The following FAM20A variants were observed in gnomAD, a reference collection of about 807,000 sequenced individuals.
The protein encoded by FAM20A is FAM20A golgi associated secretory pathway pseudokinase, also known as pseudokinase FAM20A.
Under a neutral mutation model 52.0 loss-of-function variants are expected in FAM20A, and 42 were observed. That is an observed-to-expected ratio of 0.81 (90% CI 0.63 to 1.04). The LOEUF is 1.04. Among genes scored for constraint, FAM20A ranks in the 50% least tolerant of loss-of-function variants. FAM20A has a pLI of 0.00. For synonymous variants in FAM20A, 304 were observed against 298.9 expected, an observed-to-expected ratio of 1.02 and a Z score of -0.18; for missense variants, 742 against 712.7, an observed-to-expected ratio of 1.04 and a Z score of -0.47.
chr17:68,553,996 A>C lies in FAM20A; in HGVS notation c.640+781T>G, dbSNP rs188474173. Reference sequence around the variant, plus strand: ...TACACACATGCATATATACATATACACACATATATGCATATATACATATAT... The same window carrying C: ...TACACACATGCATATATACATATACCCACATATATGCATATATACATATAT... On this transcript the variant is annotated intron_variant, in intron 3 of 10. Coordinates refer to ENST00000592554, the MANE Select transcript of FAM20A (RefSeq NM_017565.4). Among the ~76,000 whole-genome samples the C allele has an allele frequency of 1.1e-3, 149 of 139,152 alleles. 1 individual carries two copies. Among genetic ancestry groups the C allele is most frequent in the Admixed American group, 7.4e-3 (104 of 14,038 alleles). 91.3% of individuals were successfully genotyped at this position (139,152 alleles called of 152,430 possible).
At chr17:68,571,987 C>CATATATATATATAT (rs57442973) in intron 1 of FAM20A, among the ~76,000 whole-genome samples, 7 of 43,766 alleles carry the variant, frequency 1.6e-4, no homozygotes, top group South Asian at 1.0e-3. Flanking sequence ...TATATACATA[C>CATATATATATATAT]ATATATATAT....
At chr17:68,577,414 T>G (rs2087804488) in intron 1 of FAM20A, among the ~76,000 whole-genome samples, 1 of 152,272 alleles carries the variant, frequency 6.6e-6, no homozygotes, top group Non-Finnish European at 1.5e-5. Flanking sequence ...GTTGCCTCCC[T>G]GCTGTAGACC....
At chr17:68,563,348 T>C (rs979681783) in intron 1 of FAM20A, among the ~76,000 whole-genome samples, 29 of 143,818 alleles carry the variant, frequency 2.0e-4, no homozygotes, top group Admixed American at 4.3e-4. Flanking sequence ...ATCGTGACAC[T>C]GCACTCCAGC....
chr17:68,543,656 G>GT lies in FAM20A; in HGVS notation c.784_785insA (p.Ala262AspfsTer2). 1 of 1,614,120 alleles carries GT rather than the reference G, an allele frequency of 6.2e-7. No individual in the cohort carries two copies. Among genetic ancestry groups the GT allele is most frequent in the Non-Finnish European group, 8.5e-7 (1 of 1,179,998 alleles). On this transcript the variant is annotated frameshift_variant, in exon 5 of 11. Coordinates refer to ENST00000592554, the MANE Select transcript of FAM20A (RefSeq NM_017565.4). LOFTEE classifies it high-confidence loss of function. ...GTCCAGATGGAAAGCTGCGATCTCA[G>GT]CATTGTGTCTCTGAAAGTCAATGAA...
chr17:68,572,693 G>A (rs139918816), intron 1 of FAM20A, among the ~76,000 whole-genome samples: 1 of 152,260 alleles, frequency 6.6e-6, no homozygotes, highest in East Asian at 1.9e-4. Flanking sequence ...TCTATGGGTT[G>A]TCATAAGCAG....
rs1323381317 is a variant in FAM20A, at chr17:68,535,738, C to G, written c.*1739G>C. The stretch of plus-strand genomic sequence containing the variant: ...TGTTACCCAGGCTGGTCTCGAGCTC[C>G]TGAGACCAAGCGATCTGCCTGTTTA... On this transcript the variant is annotated 3_prime_UTR_variant, in exon 11 of 11. Transcript: ENST00000592554. The G allele has an allele frequency of 3.3e-5, 15 of 452,200 alleles. No homozygotes were observed. Among genetic ancestry groups the G allele is most frequent in the Non-Finnish European group, 8.8e-6 (2 of 226,130 alleles). The allele number at this position is 452,200 out of a possible 1,614,324, so 28.0% of individuals were successfully genotyped here.
chr17:68,554,967 AG>A, intron 2 of FAM20A, 140 bp from the exon 3 acceptor site: 1 of 842,652 alleles, frequency 1.2e-6, no homozygotes, highest in African/African-American at 1.7e-5. Flanking sequence ...ACTCCGTGGG[AG>A]GTCTCTTGGA....
chr17:68,572,697 T>C (rs1319947916), intron 1 of FAM20A, among the ~76,000 whole-genome samples: 2 of 152,260 alleles, frequency 1.3e-5, no homozygotes, highest in African/African-American at 4.8e-5. Flanking sequence ...TGGGTTGTCA[T>C]AAGCAGGCTG....
chr17:68,567,700 A>G (rs1464539870), intron 1 of FAM20A, among the ~76,000 whole-genome samples: 6 of 151,920 alleles, frequency 3.9e-5, no homozygotes, highest in African/African-American at 1.5e-4. Context: ...GTACTCTGAT[A>G]TGGTTTGGTT....
chr17:68,575,492 A>T (rs1476877609), intron 1 of FAM20A, among the ~76,000 whole-genome samples: 66 of 104,514 alleles, frequency 6.3e-4, no homozygotes, highest in Admixed American at 1.1e-3. Flanking sequence ...ATTATATATT[A>T]TAGATATTAG....
chr17:68,542,928 G>A, intron 5 of FAM20A, 119 bp from the exon 6 acceptor site: 1 of 764,358 alleles, frequency 1.3e-6, no homozygotes, highest in Non-Finnish European at 2.3e-6. Context: ...GGTGGCCGGT[G>A]AGGCGTGACT....
intron 1 of FAM20A, among the ~76,000 whole-genome samples, chr17:68,577,750 C>A (rs558003208): frequency 1.1e-4 from 16 of 152,226 alleles, no homozygotes; most frequent in African/African-American, 3.9e-4. Context: ...CTCAGAGCCT[C>A]TCCACTCCTT....
chr17:68,552,224 T>C (rs1467441545), intron 3 of FAM20A, among the ~76,000 whole-genome samples: 2 of 151,262 alleles, frequency 1.3e-5, no homozygotes, highest in Non-Finnish European at 2.9e-5. Context: ...CTGGGCAACA[T>C]AGTGAGACCT....
intron 4 of FAM20A, among the ~76,000 whole-genome samples, chr17:68,544,627 A>G (rs770877635): frequency 1.6e-4 from 24 of 152,232 alleles, no homozygotes; most frequent in African/African-American, 2.4e-4. Flanking sequence ...CATTTTGCCA[A>G]AAAACACGAG....
chr17:68,549,649 C>T (rs577940083), intron 4 of FAM20A, among the ~76,000 whole-genome samples: 5 of 152,174 alleles, frequency 3.3e-5, no homozygotes, highest in African/African-American at 1.2e-4. Context: ...TATCAGTATT[C>T]CTTAGGTTGC....
At position 68,600,552 on chromosome 17, in the gene FAM20A, C is replaced by T. The variant is rs2063504011; in HGVS notation, c.115G>A (p.Glu39Lys). The T allele has an allele frequency of 6.4e-7, 1 of 1,557,260 alleles. No individual in the cohort carries two copies. The highest frequency in any genetic ancestry group is 1.2e-5 in the South Asian group (1 of 84,910). ...GTGCACGGGCACCCCCGCGGGCGCT[C>T]CCGAGGCCGCAGCTGGCGCTGTACT... ...PQVQRQLRPR[E>K]RPRGCPCTGR... The change falls in exon 1 of 11, where the codon GAG becomes AAG. Residue 39 changes from glutamate (E) to lysine (K), a missense_variant. Physicochemically the swap from Glu to Lys is moderately conservative, Grantham distance 56. Transcript: ENST00000592554. The surrounding 1 kb of genome is among the most constrained non-coding windows in gnomAD (Gnocchi z 6.2).
chr17:68,580,016 G>A (rs2087897044), intron 1 of FAM20A, among the ~76,000 whole-genome samples: 1 of 145,008 alleles, frequency 6.9e-6, no homozygotes, highest in Non-Finnish European at 1.5e-5. Flanking sequence ...GTTTGCATTT[G>A]CATAAATCTC....
rs372656475 is a variant in FAM20A at position 68,600,364 on chromosome 17, G to A, written c.303C>T (p.Tyr101=). The part of the protein sequence containing the change: ...KLQALFAHPL[Y]NVPEEPPLLG... ...GGAGAGGCGGCTCCTCCGGGACGTT[G>A]TACAGCGGGTGGGCGAAGAGGGCCT... Residue 101 remains tyrosine (Y), a synonymous_variant, in exon 1 of 11, where the codon TAC becomes TAT. Coordinates refer to ENST00000592554, the MANE Select transcript of FAM20A (RefSeq NM_017565.4). The surrounding 1 kb of genome is among the most constrained non-coding windows in gnomAD (Gnocchi z 6.2). 18 of 1,603,444 alleles carry A rather than the reference G, an allele frequency of 1.1e-5. No individual in the cohort carries two copies. The highest frequency in any genetic ancestry group is 1.5e-5 in the Non-Finnish European group (18 of 1,176,072).
chr17:68,554,944 G>C (rs1473524672), intron 2 of FAM20A, 117 bp from the exon 3 acceptor site: 2 of 1,092,224 alleles, frequency 1.8e-6, no homozygotes, highest in African/African-American at 3.1e-5. Flanking sequence ...GATGTAGCCT[G>C]GGGCCCTTGA....
Sources: allele counts gnomAD v4.1 joint callset (sites outside exome capture counted in the v4.1 genomes callset), GRCh38; gene constraint gnomAD v4.1.1; non-coding constraint Gnocchi (gnomAD v3.1); transcripts MANE v1.5; gene names NCBI Gene and HGNC (gene_info 2026-07-23, HGNC 2026-07-21).